The following TRIM23 variants were observed in gnomAD, a reference collection of about 807,000 sequenced individuals.
TRIM23 encodes tripartite motif containing 23.
Under a neutral mutation model 71.0 loss-of-function variants are expected in TRIM23, and 27 were observed. The ratio of observed to expected loss-of-function variants is 0.38; its 90% CI spans 0.28 to 0.52. TRIM23 has a LOEUF of 0.52. Ranked by LOEUF, TRIM23 falls within the 20% of genes least tolerant of loss-of-function variation. The pLI is 0.84. For missense variants in TRIM23, 482 were observed against 692.3 expected (o/e 0.70, Z 3.41); for synonymous variants, 234 against 238.0 (o/e 0.98, Z 0.16).
intron 7 of TRIM23, among the ~76,000 whole-genome samples, chr5:65,597,613 C>CA (rs1754243250): frequency 6.9e-6 from 1 of 145,002 alleles, no homozygotes; most frequent in Non-Finnish European, 1.6e-5. Flanking sequence ...ACAAACAAAA[C>CA]AAATTTTTTT....
Position 65,597,115 on chromosome 5 carries a change from A to T in TRIM23, c.1245T>A (p.Ala415=), listed in dbSNP as rs1165510868. 6.2e-7 allele frequency: 1 copy of T among 1,614,198 alleles called. No homozygotes were observed. The highest frequency in any genetic ancestry group is 1.7e-5 in the Admixed American group (1 of 60,024). The change falls in exon 8 of 11, where the codon GCT becomes GCA. Residue 415 remains alanine, a synonymous_variant. Transcript: ENST00000231524. ...ACTTAAACAAGATAGTAGTTTTTCC[A>T]GCACCATCCAATCCTAACGTAACGA... ...IRVVTLGLDG[A]GKTTILFKLK...
At chr5:65,610,356 G>A (rs1369094531) in intron 5 of TRIM23, among the ~76,000 whole-genome samples, 1 of 152,066 alleles carries the variant, frequency 6.6e-6, no homozygotes, top group African/African-American at 2.4e-5. Flanking sequence ...CTTTAACATG[G>A]CTGACAAGAT....
intron 3 of TRIM23, among the ~76,000 whole-genome samples, chr5:65,613,548 A>G (rs1454749668): frequency 6.6e-6 from 1 of 152,242 alleles, no homozygotes; most frequent in Non-Finnish European, 1.5e-5. Context: ...ATATACTTTT[A>G]CATTATTAAA....
At chr5:65,613,752 GT>G (rs1213578596) in intron 3 of TRIM23, 86 of 1,217,386 alleles carry the variant, frequency 7.1e-5, no homozygotes, top group Non-Finnish European at 8.7e-5. Flanking sequence ...CTCTCATTGA[GT>G]TTTACTGTTG....
chr5:65,610,482 C>G (rs1754621632), intron 5 of TRIM23, among the ~76,000 whole-genome samples: 1 of 152,228 alleles, frequency 6.6e-6, no homozygotes, highest in East Asian at 1.9e-4. Flanking sequence ...GTACAATCCT[C>G]ACTTACAAAC....
In TRIM23 at chr5:65,596,374, T is replaced by C. The variant is rs752188477; in HGVS notation, c.1420+47A>G. 4 of 1,327,898 alleles carry C rather than the reference T, an allele frequency of 3.0e-6. No homozygotes were observed. In the South Asian group the frequency reaches 4.8e-5, roughly 16 times the overall value. 82.3% of individuals were successfully genotyped at this position (1,327,898 alleles called of 1,614,324 possible). Reference sequence around the variant, plus strand: ...CTAGTTAAATCAGTACACTGAAAACTGTCATCCTAAAAATGTGAAAAATTA... The same window carrying C: ...CTAGTTAAATCAGTACACTGAAAACCGTCATCCTAAAAATGTGAAAAATTA... On this transcript the variant is annotated intron_variant, in intron 9 of 10. Coordinates refer to ENST00000231524, the MANE Select transcript of TRIM23 (RefSeq NM_001656.4).
At position 65,596,534 on chromosome 5, in the gene TRIM23, G is replaced by A. The variant is rs1474523296; in HGVS notation, c.1310-3C>T. ...TTCTACAGTTTCCACGTTAAAACCT[G>A]TTTTAAAAAAAAAGTTACTTTTATA... On this transcript the variant is annotated splice_region_variant and splice_polypyrimidine_tract_variant and intron_variant, in intron 8 of 10. Transcript: ENST00000231524. The A allele has an allele frequency of 6.5e-7, 1 of 1,549,152 alleles. No individual in the cohort carries two copies. Among genetic ancestry groups the A allele is most frequent in the Admixed American group, 1.8e-5 (1 of 54,330 alleles).
chr5:65,620,154 T>C (rs1473068916), intron 1 of TRIM23, among the ~76,000 whole-genome samples: 3 of 152,156 alleles, frequency 2.0e-5, no homozygotes, highest in African/African-American at 7.2e-5. Flanking sequence ...AGATCAAAAA[T>C]GTTGGTAACA....
chr5:65,618,197 C>T lies in TRIM23; in HGVS notation c.140G>A (p.Arg47His), dbSNP rs1323894327. Residue 47 changes from arginine (R) to histidine (H), a missense_variant, in exon 2 of 11, where the codon CGT becomes CAT. Arg to His is a conservative substitution (Grantham distance 29, BLOSUM62 0). Transcript: ENST00000231524. ...GACGGTATGGCCACAAAGCAAAAGA[C>T]GGGGAACTTTGTCTCCTTGCAAAGA... ...VFSLQGDKVP[R>H]LLLCGHTVCH... 5 of 1,613,818 alleles carry T rather than the reference C, an allele frequency of 3.1e-6. No individual in the cohort carries two copies. The highest frequency in any genetic ancestry group is 2.7e-5 in the African/African-American group (2 of 74,900).
chr5:65,611,799 C>T lies in TRIM23; in HGVS notation c.449G>A (p.Cys150Tyr). 1 of 1,614,186 alleles carries T rather than the reference C, an allele frequency of 6.2e-7. No homozygotes were observed. Among genetic ancestry groups the T allele is most frequent in the Non-Finnish European group, 8.5e-7 (1 of 1,180,026 alleles). ...TVCATHLCSE[C>Y]SQVTHSTKTL... ...CTTTGTAGAATGAGTAACTTGAGAA[C>T]ACTCAGAGCACAAATGAGTTGCACA... Residue 150 changes from cysteine to tyrosine, a missense_variant, in exon 4 of 11, where the codon TGT (cysteine) becomes TAT (tyrosine). Physicochemically the swap from Cys to Tyr is radical, Grantham distance 194. Transcript: ENST00000231524.
At position 65,614,197 on chromosome 5, in the gene TRIM23, C is replaced by T. The variant is rs779185382; in HGVS notation, c.267G>A (p.Leu89=). 4.3e-6 allele frequency: 7 copies of T among 1,613,580 alleles called. No homozygotes were observed. The highest frequency in any genetic ancestry group is 4.2e-6 in the Non-Finnish European group (5 of 1,179,626). ...GCTCCAATAAAGCAAAATTTTTTTT[C>T]AATCCCCAGACACCTGAATCACCTA... is the stretch of plus-strand genomic sequence containing the variant. ...TDLGDSGVWG[L]KKNFALLELL... The change falls in exon 3 of 11, where the codon TTG becomes TTA. Residue 89 remains leucine, a synonymous_variant. Coordinates refer to ENST00000231524, the MANE Select transcript of TRIM23 (RefSeq NM_001656.4).
rs558691684 is a variant in TRIM23 at position 65,611,006 on chromosome 5, G to C, written c.683C>G (p.Ala228Gly). 3 of 1,613,010 alleles carry C rather than the reference G, an allele frequency of 1.9e-6. No homozygotes were observed. The East Asian group carries it at 6.7e-5, about 36-fold the overall frequency. ...VLEPEANQIR[A>G]SILDMAHCIR... Reference sequence around the variant, plus strand: ...GCAGTGAGCCATATCTAAAATTGATGCTCGGATCTGATTAGCTTCTGGTTC... The same window carrying C: ...GCAGTGAGCCATATCTAAAATTGATCCTCGGATCTGATTAGCTTCTGGTTC... Residue 228 changes from alanine to glycine, a missense_variant, in exon 5 of 11, where the codon GCA becomes GGA. Ala to Gly is a moderately conservative substitution (Grantham distance 60). This residue lies in a region of TRIM23 where 307 missense variants were observed against 495.8 expected (regional missense o/e 0.62). Coordinates refer to ENST00000231524, the MANE Select transcript of TRIM23 (RefSeq NM_001656.4).
intron 6 of TRIM23, among the ~76,000 whole-genome samples, chr5:65,605,423 T>C (rs1231578497): frequency 2.6e-5 from 4 of 152,086 alleles, no homozygotes; most frequent in African/African-American, 4.8e-5. Flanking sequence ...AAGATAGTGG[T>C]TTATCATGGT....
intron 1 of TRIM23, among the ~76,000 whole-genome samples, chr5:65,621,829 A>T (rs1008655737): frequency 3.3e-5 from 5 of 151,384 alleles, no homozygotes; most frequent in African/African-American, 1.2e-4. Context: ...ATTTATTATT[A>T]TTATTATTTT....
At chr5:65,593,785 G>A (rs905574434) in intron 10 of TRIM23, among the ~76,000 whole-genome samples, 2 of 152,096 alleles carry the variant, frequency 1.3e-5, no homozygotes, top group African/African-American at 2.4e-5. Context: ...ATCTGCCTCC[G>A]CCTTTCTATT....
chr5:65,620,298 T>C (rs1754896260), intron 1 of TRIM23, among the ~76,000 whole-genome samples: 1 of 152,112 alleles, frequency 6.6e-6, no homozygotes, highest in Non-Finnish European at 1.5e-5. Flanking sequence ...TCAGTAATTC[T>C]AGTTGCAGGA....
In TRIM23 at chr5:65,590,052, T is replaced by A. The variant is rs1411626089; in HGVS notation, c.*1717A>T. The A allele has an allele frequency of 2.8e-6, 1 of 353,280 alleles. No homozygotes were observed. The highest frequency in any genetic ancestry group is 2.1e-5 in the African/African-American group (1 of 47,122). The allele number at this position is 353,280 out of a possible 1,614,324, so 21.9% of individuals were successfully genotyped here. On this transcript the variant is annotated 3_prime_UTR_variant, in exon 11 of 11. Transcript: ENST00000231524. Reference sequence around the variant, plus strand: ...ACATACATTATAATCAGGCACAATTTTTCAACTGTGTTCAGTTATATGCTA... The same window carrying A: ...ACATACATTATAATCAGGCACAATTATTCAACTGTGTTCAGTTATATGCTA...
chr5:65,616,597 G>A (rs1012478698), intron 2 of TRIM23, among the ~76,000 whole-genome samples: 2 of 143,354 alleles, frequency 1.4e-5, no homozygotes, highest in African/African-American at 2.6e-5. Flanking sequence ...AGCTGAGATC[G>A]CGCCACAGCA....
At chr5:65,602,770 A>G (rs1754395623) in intron 7 of TRIM23, among the ~76,000 whole-genome samples, 1 of 152,146 alleles carries the variant, frequency 6.6e-6, no homozygotes, top group African/African-American at 2.4e-5. Context: ...AGGAAGAAGC[A>G]AAAGCAGAAA....
Sources: allele counts gnomAD v4.1 joint callset (sites outside exome capture counted in the v4.1 genomes callset), GRCh38; gene constraint gnomAD v4.1.1; regional missense constraint gnomAD v4.1.1; transcripts MANE v1.5; gene names NCBI Gene and HGNC (gene_info 2026-07-23, HGNC 2026-07-21).